SNX9: variants seen among roughly 807,000 people sequenced by gnomAD.
SNX9 encodes sorting nexin-9.
SNX9 carries 44 observed loss-of-function variants against 89.4 expected under a neutral mutation model. The ratio of observed to expected loss-of-function variants is 0.49; its 90% confidence interval spans 0.39 to 0.63. The LOEUF is 0.63. Ranked by LOEUF, SNX9 falls within the 30% of genes least tolerant of loss-of-function variation. The pLI, the probability that SNX9 is intolerant of heterozygous loss-of-function variation, is 0.00. For synonymous variants in SNX9, 236 were observed against 247.8 expected (o/e 0.95, Z 0.45); for missense variants, 578 against 736.1 (o/e 0.79, Z 2.49).
At chr6:157,884,052 G>A (rs1333742676) in intron 4 of SNX9, among the ~76,000 whole-genome samples, 1 of 152,104 alleles carries the variant, frequency 6.6e-6, no homozygotes, top group East Asian at 1.9e-4. Context: ...CTGAATCCCT[G>A]CCTTGGAGAA....
intron 4 of SNX9, among the ~76,000 whole-genome samples, chr6:157,890,661 C>T (rs1220243404): frequency 2.6e-5 from 4 of 152,184 alleles, no homozygotes; most frequent in African/African-American, 9.7e-5. Flanking sequence ...ATTTACAAAG[C>T]GTTTACCCAG....
chr6:157,878,675 C>T (rs1211844819), intron 4 of SNX9, among the ~76,000 whole-genome samples: 1 of 152,152 alleles, frequency 6.6e-6, no homozygotes, highest in Non-Finnish European at 1.5e-5. Flanking sequence ...TTGTGATCCG[C>T]CCACTTCAGC....
intron 4 of SNX9, among the ~76,000 whole-genome samples, chr6:157,882,408 C>T (rs975885922): frequency 2.6e-4 from 39 of 152,216 alleles, no homozygotes; most frequent in African/African-American, 8.9e-4. Context: ...TAATACAGCA[C>T]TTATTCTACA....
chr6:157,927,822 G>A (rs1030940428), intron 11 of SNX9, among the ~76,000 whole-genome samples: 1 of 147,160 alleles, frequency 6.8e-6, no homozygotes. Context: ...CGCCTCCCAG[G>A]TTCACGCCAT....
In SNX9 at chr6:157,915,053, C is replaced by A. The variant is rs114213098; in HGVS notation, c.949+5028C>A. Reference sequence around the variant, plus strand: ...CACACCATCTTTTGGAAAGACAGATCTGTTTTCCATTTATTAGAAACATGT... The same window carrying A: ...CACACCATCTTTTGGAAAGACAGATATGTTTTCCATTTATTAGAAACATGT... On this transcript the variant is annotated intron_variant, in intron 9 of 17. Transcript: ENST00000392185. 6.7e-3 allele frequency among the ~76,000 whole-genome samples: 1,012 copies of A among 152,078 alleles called. 14 individuals carry two copies. The highest frequency in any genetic ancestry group is 0.023 in the African/African-American group (971 of 41,462).
rs545650809 is a variant in SNX9 at position 157,835,332 on chromosome 6, A to G, written c.12+11886A>G. ...CCAGCCAAGATTTTTAAAATATTCT[A>G]ATATTTACTTCTATTAGAGTTCAAT... On this transcript the variant is annotated intron_variant, in intron 1 of 17. Coordinates refer to ENST00000392185, the MANE Select transcript of SNX9 (RefSeq NM_016224.5). Among the ~76,000 whole-genome samples, 10 of 152,176 alleles carry G rather than the reference A, an allele frequency of 6.6e-5. No homozygotes were observed. The East Asian group carries it at 1.7e-3, about 26-fold the overall frequency.
At chr6:157,865,726 T>G (rs1014605924) in intron 1 of SNX9, among the ~76,000 whole-genome samples, 4 of 152,274 alleles carry the variant, frequency 2.6e-5, no homozygotes, top group Non-Finnish European at 5.9e-5. Flanking sequence ...AGATAGCATT[T>G]TGGCTTTTTT....
At chr6:157,834,158 T>TG (rs1781531249) in intron 1 of SNX9, among the ~76,000 whole-genome samples, 3 of 94,804 alleles carry the variant, frequency 3.2e-5, no homozygotes, top group Non-Finnish European at 6.1e-5. Flanking sequence ...TGGTTTTTTT[T>TG]TTTTTTTTTT....
intron 17 of SNX9, 46 bp from the exon 18 acceptor site, chr6:157,942,745 A>G (rs1298178551): frequency 3.1e-6 from 5 of 1,599,350 alleles, no homozygotes; most frequent in Admixed American, 3.4e-5. Flanking sequence ...GTGAGGTCGT[A>G]ATGGGAGTGA....
intron 9 of SNX9, among the ~76,000 whole-genome samples, chr6:157,917,764 A>G (rs1254581687): frequency 6.6e-6 from 1 of 152,146 alleles, no homozygotes; most frequent in South Asian, 2.1e-4. Flanking sequence ...GTTATACTGT[A>G]TTGTTTTGAG....
At chr6:157,934,462 A>G (rs9458889) in intron 13 of SNX9, among the ~76,000 whole-genome samples, 2 of 152,084 alleles carry the variant, frequency 1.3e-5, no homozygotes, top group Non-Finnish European at 2.9e-5. Context: ...AAAACAAATG[A>G]TACATCAAAA....
At chr6:157,838,845 T>A (rs1171768194) in intron 1 of SNX9, among the ~76,000 whole-genome samples, 1 of 152,240 alleles carries the variant, frequency 6.6e-6, no homozygotes, top group Non-Finnish European at 1.5e-5. Flanking sequence ...CTGGTTAAAC[T>A]AAGCCACTCT....
At chr6:157,888,459 G>A (rs1006025285) in intron 4 of SNX9, among the ~76,000 whole-genome samples, 5 of 152,200 alleles carry the variant, frequency 3.3e-5, no homozygotes, top group African/African-American at 1.2e-4. Flanking sequence ...TGAGTGAGTG[G>A]CATGCTAGAG....
intron 1 of SNX9, among the ~76,000 whole-genome samples, chr6:157,840,572 C>G (rs1432907689): frequency 1.3e-5 from 2 of 151,630 alleles, no homozygotes; most frequent in African/African-American, 4.8e-5. Flanking sequence ...AGTTAACAGT[C>G]AGTTTGCTTT....
intron 10 of SNX9, among the ~76,000 whole-genome samples, chr6:157,923,521 A>T (rs1486621556): frequency 6.6e-6 from 1 of 152,264 alleles, no homozygotes; most frequent in East Asian, 1.9e-4. Context: ...CTACATAGAA[A>T]ACTATGAAAC....
At chr6:157,862,762 T>G (rs1274886058) in intron 1 of SNX9, among the ~76,000 whole-genome samples, 3 of 152,228 alleles carry the variant, frequency 2.0e-5, no homozygotes, top group African/African-American at 7.2e-5. Flanking sequence ...TTGGTTTTCA[T>G]TTTTGCTTAA....
Position 157,928,630 on chromosome 6 carries a change from A to T in SNX9, c.1216A>T (p.Thr406Ser). Reference sequence around the variant, plus strand: ...GAAGTGCGAGGCTGTGGGGAAGTTCACCAAGGCCATGGATGACGGCGTGAA... The same window carrying T: ...GAAGTGCGAGGCTGTGGGGAAGTTCTCCAAGGCCATGGATGACGGCGTGAA... The part of the protein sequence containing the change: ...EQKCEAVGKF[T>S]KAMDDGVKEL... The change falls in exon 12 of 18, where the codon ACC becomes TCC. Residue 406 changes from threonine to serine, a missense_variant. Thr to Ser is a moderately conservative substitution (Grantham distance 58). Transcript: ENST00000392185. 6.2e-7 allele frequency: 1 copy of T among 1,611,262 alleles called. No homozygotes were observed. The highest frequency in any genetic ancestry group is 8.5e-7 in the Non-Finnish European group (1 of 1,178,926).
At chr6:157,891,893 G>T (rs1164002187) in intron 4 of SNX9, among the ~76,000 whole-genome samples, 1 of 152,214 alleles carries the variant, frequency 6.6e-6, no homozygotes, top group Non-Finnish European at 1.5e-5. Flanking sequence ...CAGAGTGAAG[G>T]TTAGTGGCAG....
chr6:157,935,592 G>T (rs930794409), intron 13 of SNX9, among the ~76,000 whole-genome samples: 2 of 152,188 alleles, frequency 1.3e-5, no homozygotes, highest in African/African-American at 4.8e-5. Flanking sequence ...GTGCCGTATG[G>T]ACCTTTACAT....
Sources: gnomAD v4.1 joint callset for allele counts (sites outside exome capture counted in the v4.1 genomes callset) on GRCh38, gnomAD v4.1.1 for gene constraint, MANE v1.5 for transcripts, NCBI Gene and HGNC (gene_info 2026-07-23, HGNC 2026-07-21) for gene names.